The following DOCK8 variants were observed in gnomAD, a reference collection of about 807,000 sequenced individuals.
The protein encoded by DOCK8 is dedicator of cytokinesis protein 8.
In DOCK8, 141 loss-of-function variants were observed where a neutral mutation model predicts 245.6. That is an observed-to-expected ratio of 0.57 (90% CI 0.50 to 0.66). The LOEUF is 0.66. Among genes scored for constraint, DOCK8 ranks in the 30% least tolerant of loss-of-function variants. DOCK8 has a pLI of 0.00. For missense variants in DOCK8, 2,965 were observed against 2,603.4 expected, an observed-to-expected ratio of 1.14 and a Z score of -3.02; for synonymous variants, 1,168 against 970.2, an observed-to-expected ratio of 1.20 and a Z score of -3.79.
At chr9:401,702 G>A (rs181894169) in intron 26 of DOCK8, among the ~76,000 whole-genome samples, 1 of 152,182 alleles carries the variant, frequency 6.6e-6, no homozygotes, top group East Asian at 1.9e-4. Flanking sequence ...AAACAACCGA[G>A]GGGCCAATAC....
At chr9:400,393 A>C (rs200566419) in intron 26 of DOCK8, among the ~76,000 whole-genome samples, 1 of 64,048 alleles carries the variant, frequency 1.6e-5, no homozygotes, top group Non-Finnish European at 2.9e-5. Context: ...CACCATCACC[A>C]CCACCTCCAC....
At chr9:239,201 A>G (rs182024453) in intron 1 of DOCK8, among the ~76,000 whole-genome samples, 3 of 152,112 alleles carry the variant, frequency 2.0e-5, no homozygotes, top group Admixed American at 2.0e-4. Context: ...AAACACATAC[A>G]CACACGCATG....
At chr9:419,198 A>C (rs1476856251) in intron 30 of DOCK8, among the ~76,000 whole-genome samples, 1 of 152,230 alleles carries the variant, frequency 6.6e-6, no homozygotes, top group African/African-American at 2.4e-5. Flanking sequence ...TTCTCCCGTG[A>C]GAAAGCAGCA....
At chr9:441,203 T>C (rs1157367209) in intron 40 of DOCK8, 83 bp from the exon 41 acceptor site, 2 of 1,571,650 alleles carry the variant, frequency 1.3e-6, no homozygotes, top group East Asian at 4.5e-5. Context: ...CTCCAGCACA[T>C]TGTTTGGACA....
chr9:280,088 T>C (rs556857095), intron 2 of DOCK8, among the ~76,000 whole-genome samples: 1 of 152,222 alleles, frequency 6.6e-6, no homozygotes, highest in East Asian at 1.9e-4. Context: ...ATCTTACCCT[T>C]TGTCAGGAGA....
At chr9:214,252 T>C, upstream of DOCK8, 1 of 479,478 alleles carries the variant, frequency 2.1e-6, no homozygotes, top group Non-Finnish European at 3.7e-6. Flanking sequence ...AGCGTACCCT[T>C]GAATCGCAAG....
At chr9:250,617 A>C (rs1004792959) in intron 1 of DOCK8, among the ~76,000 whole-genome samples, 1 of 152,146 alleles carries the variant, frequency 6.6e-6, no homozygotes, top group African/African-American at 2.4e-5. Context: ...CAAATTTATC[A>C]TAGTACTATC....
Position 222,755 on chromosome 9 carries a change from G to A in DOCK8, c.53+7726G>A, listed in dbSNP as rs77419002. On this transcript the variant is annotated intron_variant, in intron 1 of 47. Coordinates refer to ENST00000432829, the MANE Select transcript of DOCK8 (RefSeq NM_203447.4). ...CTTTCTGCTTCTGTTCCTTTAATAG[G>A]TGGATTAATGATAAAGGTAGATTGT... Among the ~76,000 whole-genome samples the A allele has an allele frequency of 5.5e-3, 834 of 152,256 alleles. 7 individuals carry two copies. Among genetic ancestry groups the A allele is most frequent in the African/African-American group, 0.019 (809 of 41,536 alleles).
At chr9:426,505 T>C (rs1306539674) in intron 33 of DOCK8, among the ~76,000 whole-genome samples, 3 of 152,216 alleles carry the variant, frequency 2.0e-5, no homozygotes, top group Non-Finnish European at 4.4e-5. Flanking sequence ...TTCCCCTTAC[T>C]CAGATCTAGC....
intron 14 of DOCK8, among the ~76,000 whole-genome samples, chr9:348,290 G>A (rs867315209): frequency 6.6e-6 from 1 of 152,148 alleles, no homozygotes; most frequent in Non-Finnish European, 1.5e-5. Context: ...CACAGAATGT[G>A]CCGAATTTTC....
intron 33 of DOCK8, among the ~76,000 whole-genome samples, chr9:425,414 C>T (rs904766202): frequency 2.6e-5 from 4 of 151,868 alleles, no homozygotes; most frequent in Non-Finnish European, 4.4e-5. Context: ...CGCCTGTAGT[C>T]CCAGCTACTC....
intron 28 of DOCK8, among the ~76,000 whole-genome samples, chr9:411,253 A>ATGTTGGGTACTTTTTTTGT (rs2055711591): frequency 6.6e-6 from 1 of 152,104 alleles, no homozygotes; most frequent in Admixed American, 6.6e-5. Context: ...TCTCTACTAA[A>ATGTTGGGTACTTTTTTTGT]AATACAAAAA....
At chr9:430,849 A>T in intron 36 of DOCK8, among the ~76,000 whole-genome samples, 1 of 152,018 alleles carries the variant, frequency 6.6e-6, no homozygotes, top group East Asian at 1.9e-4. Flanking sequence ...GTGTCATCTA[A>T]CCTGAGTTTT....
intron 1 of DOCK8, among the ~76,000 whole-genome samples, chr9:269,234 A>G (rs1461463667): frequency 1.3e-5 from 2 of 152,184 alleles, no homozygotes; most frequent in African/African-American, 4.8e-5. Flanking sequence ...CCCCAACCTT[A>G]GGTGACCACA....
intron 1 of DOCK8, among the ~76,000 whole-genome samples, chr9:218,911 C>A (rs1273800675): frequency 6.6e-6 from 1 of 152,108 alleles, no homozygotes; most frequent in African/African-American, 2.4e-5. Context: ...GAGATAGGAG[C>A]AATGACTATC....
At chr9:293,883 A>C (rs1320703777) in intron 4 of DOCK8, among the ~76,000 whole-genome samples, 2 of 152,222 alleles carry the variant, frequency 1.3e-5, no homozygotes, top group Non-Finnish European at 2.9e-5. Context: ...GTTTTGAAAG[A>C]AATCAAGTAA....
chr9:371,522 C>G lies in DOCK8; in HGVS notation c.1963C>G (p.Gln655Glu). 6.2e-7 allele frequency: 1 copy of G among 1,614,222 alleles called. No homozygotes were observed. The highest frequency in any genetic ancestry group is 8.5e-7 in the Non-Finnish European group (1 of 1,180,030). ...GTTCACCTTCTACCATATCAGCTGT[C>G]AGCAGAAGCAAGGAGCCTCCGTGGA... ...LLFTFYHISC[Q>E]QKQGASVETL... Residue 655 changes from glutamine (Q) to glutamate (E), a missense_variant, in exon 17 of 48, where the codon CAG becomes GAG. By Grantham distance (29) the Gln-to-Glu change is conservative (BLOSUM62 2). Transcript: ENST00000432829.
At chr9:269,879 C>T (rs1477214394) in intron 1 of DOCK8, among the ~76,000 whole-genome samples, 1 of 152,144 alleles carries the variant, frequency 6.6e-6, no homozygotes, top group Non-Finnish European at 1.5e-5. Context: ...TTCATTTCTC[C>T]TGGGTAAATA....
chr9:407,154 T>C (rs1043029962), intron 28 of DOCK8, 85 bp downstream of exon 28: 15 of 1,579,202 alleles, frequency 9.5e-6, no homozygotes, highest in Non-Finnish European at 1.3e-5. Context: ...TTCTCACACT[T>C]GGTAAAAAAC....
Sources: gnomAD v4.1 joint callset for allele counts (sites outside exome capture counted in the v4.1 genomes callset) on GRCh38, gnomAD v4.1.1 for gene constraint, MANE v1.5 for transcripts, NCBI Gene and HGNC (gene_info 2026-07-23, HGNC 2026-07-21) for gene names.